Variants in GRM7 observed in about 807,000 individuals in gnomAD.
GRM7 encodes glutamate metabotropic receptor 7.
GRM7 carries 35 observed loss-of-function variants against 84.5 expected under a neutral mutation model. The observed-to-expected ratio is 0.41, with a 90% CI of 0.32 to 0.55. The LOEUF (loss-of-function observed/expected upper bound fraction) is 0.55. GRM7 is among the 20% of genes least tolerant of loss of function. The pLI is 0.19. For synonymous variants in GRM7, 487 were observed against 455.1 expected, an observed-to-expected ratio of 1.07 and a Z score of -0.89; for missense variants, 1,003 against 1,194.6, an observed-to-expected ratio of 0.84 and a Z score of 2.36.
chr3:7,444,213 T>G (rs758048723), intron 5 of GRM7, among the ~76,000 whole-genome samples: 1 of 151,974 alleles, frequency 6.6e-6, no homozygotes, highest in Non-Finnish European at 1.5e-5. Flanking sequence ...AGTTTCAGAG[T>G]GGTACAACCT....
chr3:7,104,643 T>C (rs539024619), intron 1 of GRM7, among the ~76,000 whole-genome samples: 47 of 151,908 alleles, frequency 3.1e-4, no homozygotes, highest in African/African-American at 1.1e-3. Flanking sequence ...GTGTTATGCC[T>C]GGAACTCATC....
At chr3:6,996,663 T>G (rs1404343632) in intron 1 of GRM7, among the ~76,000 whole-genome samples, 1 of 152,180 alleles carries the variant, frequency 6.6e-6, no homozygotes, top group Non-Finnish European at 1.5e-5. Context: ...TCAGCCAAAT[T>G]TATTGCATCC....
intron 1 of GRM7, among the ~76,000 whole-genome samples, chr3:6,969,495 C>G (rs1192500131): frequency 1.3e-5 from 2 of 152,188 alleles, no homozygotes; most frequent in African/African-American, 4.8e-5. Flanking sequence ...TACTGATGCT[C>G]AGTTCACTGT....
At chr3:7,502,717 C>T (rs566692499) in intron 7 of GRM7, among the ~76,000 whole-genome samples, 1 of 152,080 alleles carries the variant, frequency 6.6e-6, no homozygotes, top group South Asian at 2.1e-4. Context: ...TGTAATTTGG[C>T]AATTAACCAG....
intron 1 of GRM7, among the ~76,000 whole-genome samples, chr3:7,029,727 T>C (rs1305249709): frequency 6.6e-6 from 1 of 152,212 alleles, no homozygotes; most frequent in African/African-American, 2.4e-5. Context: ...CGAGGAGTTA[T>C]TTTTAATGAG....
chr3:6,991,088 A>T (rs1694618332), intron 1 of GRM7, among the ~76,000 whole-genome samples: 1 of 152,116 alleles, frequency 6.6e-6, no homozygotes, highest in African/African-American at 2.4e-5. Context: ...ATACATACAT[A>T]CATACATGCA....
rs560286659 is a variant in GRM7, at chr3:7,446,468, T to A, written c.1175-6139T>A. On this transcript the variant is annotated intron_variant, in intron 5 of 9. Transcript: ENST00000357716. ...TGGTCTTGTTTTTTTTTTTTTGTTT[T>A]TTTTTTTTTTGAGACGGAGTCTCAT... Among the ~76,000 whole-genome samples, 187 of 149,488 alleles carry A rather than the reference T, an allele frequency of 1.3e-3. 1 individual carries two copies. Among genetic ancestry groups the A allele is most frequent in the Non-Finnish European group, 2.4e-3 (161 of 67,198 alleles).
intron 8 of GRM7, among the ~76,000 whole-genome samples, chr3:7,653,912 G>C (rs1382366814): frequency 2.6e-5 from 4 of 152,116 alleles, no homozygotes; most frequent in Non-Finnish European, 5.9e-5. Flanking sequence ...TGGGGCCAGG[G>C]TTCTAAGACC....
chr3:7,186,720 T>A (rs112301874), intron 2 of GRM7, among the ~76,000 whole-genome samples: 343 of 152,288 alleles, frequency 2.3e-3, no homozygotes, highest in Non-Finnish European at 3.7e-3. Flanking sequence ...GTCTTTAGCT[T>A]GTCTTTCTGG....
At chr3:7,498,476 C>T (rs1699778522) in intron 7 of GRM7, among the ~76,000 whole-genome samples, 1 of 152,160 alleles carries the variant, frequency 6.6e-6, no homozygotes, top group African/African-American at 2.4e-5. Context: ...AGCAAAATAC[C>T]TTAGTTTAGC....
intron 7 of GRM7, among the ~76,000 whole-genome samples, chr3:7,554,480 T>C (rs892445867): frequency 6.6e-6 from 1 of 152,174 alleles, no homozygotes; most frequent in African/African-American, 2.4e-5. Context: ...ATCGAATGAG[T>C]AATGTACAAT....
At chr3:7,575,376 A>AAGC (rs538085114) in intron 7 of GRM7, among the ~76,000 whole-genome samples, 111 of 152,304 alleles carry the variant, frequency 7.3e-4, no homozygotes, top group African/African-American at 2.4e-3. Flanking sequence ...GCTAACTGAA[A>AAGC]CAGTTTTGTT....
In GRM7 at chr3:7,726,978, T is replaced by C. The variant is rs147871395; in HGVS notation, c.2699-13379T>C. Among the ~76,000 whole-genome samples the C allele has an allele frequency of 2.2e-3, 333 of 152,150 alleles. 3 individuals are homozygous for C. Among genetic ancestry groups the C allele is most frequent in the African/African-American group, 7.6e-3 (317 of 41,540 alleles). ...ACATTTTGTTTTGTCTTTTACAGCG[T>C]TGAAATATTTGAAAAGGTCACCAGT... On this transcript the variant is annotated intron_variant, in intron 9 of 9. Coordinates refer to ENST00000357716, the MANE Select transcript of GRM7 (RefSeq NM_000844.4).
At chr3:6,978,606 G>A (rs938140121) in intron 1 of GRM7, among the ~76,000 whole-genome samples, 1 of 152,102 alleles carries the variant, frequency 6.6e-6, no homozygotes, top group African/African-American at 2.4e-5. Context: ...AGGCAAAATT[G>A]CACTGCAAAA....
chr3:7,134,028 C>T (rs1341212369), intron 1 of GRM7, among the ~76,000 whole-genome samples: 1 of 152,124 alleles, frequency 6.6e-6, no homozygotes, highest in Non-Finnish European at 1.5e-5. Context: ...TGCAACCCCT[C>T]CCATACTTAT....
intron 8 of GRM7, among the ~76,000 whole-genome samples, chr3:7,675,973 G>C (rs1396078366): frequency 6.6e-6 from 1 of 152,018 alleles, no homozygotes; most frequent in South Asian, 2.1e-4. Flanking sequence ...AGAGAGAATA[G>C]TTATAGCTAT....
chr3:7,002,692 A>G (rs866192252), intron 1 of GRM7, among the ~76,000 whole-genome samples: 1 of 152,142 alleles, frequency 6.6e-6, no homozygotes. Flanking sequence ...TCTTTTAAAA[A>G]TTAAAAAATA....
chr3:7,217,185 G>A (rs1349793218), intron 2 of GRM7, among the ~76,000 whole-genome samples: 2 of 152,138 alleles, frequency 1.3e-5, no homozygotes. Flanking sequence ...ATTCAGAGAG[G>A]AAGTGATAAG....
chr3:7,270,176 C>T (rs1350908537), intron 2 of GRM7, among the ~76,000 whole-genome samples: 1 of 152,194 alleles, frequency 6.6e-6, no homozygotes, highest in Non-Finnish European at 1.5e-5. Context: ...TAAATCTTAG[C>T]ATGTCGTCAT....
Sources: allele counts gnomAD v4.1 joint callset (sites outside exome capture counted in the v4.1 genomes callset), GRCh38; gene constraint gnomAD v4.1.1; transcripts MANE v1.5; gene names NCBI Gene and HGNC (gene_info 2026-07-23, HGNC 2026-07-21).